HS6ST3: variants seen among roughly 807,000 people sequenced by gnomAD.
The protein encoded by HS6ST3 is heparan-sulfate 6-O-sulfotransferase 3.
HS6ST3 carries 12 observed loss-of-function variants against 36.7 expected under a neutral mutation model. The observed-to-expected ratio is 0.33, with a 90% CI of 0.21 to 0.53. The LOEUF (loss-of-function observed/expected upper bound fraction) is 0.53. HS6ST3 is among the 20% of genes least tolerant of loss of function. The pLI is 0.95. For synonymous variants in HS6ST3, 240 were observed against 257.5 expected (o/e 0.93, Z 0.65); for missense variants, 584 against 640.9 (o/e 0.91, Z 0.96).
At position 96,837,853 on chromosome 13, in the gene HS6ST3, AAAAG is replaced by A. The variant is rs995053280; in HGVS notation, c.*4663_*4666del. The A allele has an allele frequency of 9.2e-5, 14 of 152,096 alleles. No homozygotes were observed. Among genetic ancestry groups the A allele is most frequent in the African/African-American group, 3.4e-4 (14 of 41,392 alleles). The allele number at this position is 152,096 out of a possible 1,614,324, so 9.4% of individuals were successfully genotyped here. ...CCCGCCCCCACCAACCAAAAAAAAA[AAAAG>A]AAAGAAAACTCTCCCTTTTTAATGT... On this transcript the variant is annotated 3_prime_UTR_variant, in exon 2 of 2. Transcript: ENST00000376705.
At chr13:96,146,027 A>T (rs2054056414) in intron 1 of HS6ST3, among the ~76,000 whole-genome samples, 1 of 152,154 alleles carries the variant, frequency 6.6e-6, no homozygotes, top group African/African-American at 2.4e-5. Flanking sequence ...CTGTTTTGGT[A>T]CCAGTACCAT....
intron 1 of HS6ST3, among the ~76,000 whole-genome samples, chr13:96,209,379 G>C (rs1429203288): frequency 6.6e-6 from 1 of 152,166 alleles, no homozygotes; most frequent in Non-Finnish European, 1.5e-5. Flanking sequence ...GGGTACCACA[G>C]TGTAACAGAT....
At chr13:96,174,051 C>T (rs116970907) in intron 1 of HS6ST3, among the ~76,000 whole-genome samples, 2,643 of 152,186 alleles carry the variant, frequency 0.017, 36 homozygotes, top group East Asian at 0.055. Context: ...GAACAGTTGT[C>T]AGTTCCTTGG....
chr13:96,233,166 C>CA (rs1244120342), intron 1 of HS6ST3, among the ~76,000 whole-genome samples: 1 of 151,882 alleles, frequency 6.6e-6, no homozygotes, highest in African/African-American at 2.4e-5. Flanking sequence ...AATTGGAAAA[C>CA]AAAAAAATTA....
At chr13:96,328,196 G>A (rs1441666317) in intron 1 of HS6ST3, among the ~76,000 whole-genome samples, 4 of 143,498 alleles carry the variant, frequency 2.8e-5, no homozygotes, top group Non-Finnish European at 6.1e-5. Context: ...TAATTGCCCT[G>A]GCCAGAACTT....
intron 1 of HS6ST3, among the ~76,000 whole-genome samples, chr13:96,640,725 C>A (rs559096493): frequency 2.0e-5 from 3 of 151,912 alleles, no homozygotes; most frequent in Admixed American, 1.3e-4. Context: ...TTTTGAGTAA[C>A]CTTCTGTATA....
chr13:96,379,531 C>T (rs1325608316), intron 1 of HS6ST3, among the ~76,000 whole-genome samples: 3 of 152,190 alleles, frequency 2.0e-5, no homozygotes, highest in Admixed American at 2.0e-4. Context: ...TGTTTATAAA[C>T]TACCCAATCT....
intron 1 of HS6ST3, among the ~76,000 whole-genome samples, chr13:96,507,306 G>A (rs2056030400): frequency 6.6e-6 from 1 of 152,082 alleles, no homozygotes; most frequent in African/African-American, 2.4e-5. Context: ...AAAACAGAGT[G>A]TTTGGCTGTC....
intron 1 of HS6ST3, among the ~76,000 whole-genome samples, chr13:96,558,131 C>T (rs2056248264): frequency 6.6e-6 from 1 of 152,012 alleles, no homozygotes; most frequent in South Asian, 2.1e-4. Flanking sequence ...CTATCTTCTC[C>T]TCAATGCTCG....
At chr13:96,406,549 A>T (rs2055479480) in intron 1 of HS6ST3, among the ~76,000 whole-genome samples, 1 of 152,224 alleles carries the variant, frequency 6.6e-6, no homozygotes, top group Non-Finnish European at 1.5e-5. Context: ...ACAACCAGGG[A>T]GCTGTTCAGC....
intron 1 of HS6ST3, among the ~76,000 whole-genome samples, chr13:96,699,787 T>C (rs2138451656): frequency 6.6e-6 from 1 of 152,342 alleles, no homozygotes; most frequent in East Asian, 1.9e-4. Flanking sequence ...TAAAGACACA[T>C]GCACACATAT....
chr13:96,096,892 G>T (rs1017116111), intron 1 of HS6ST3, among the ~76,000 whole-genome samples: 1 of 152,032 alleles, frequency 6.6e-6, no homozygotes, highest in Admixed American at 6.6e-5. Context: ...TAGAATTGTT[G>T]AACTACCAAG....
chr13:96,248,275 C>T lies in HS6ST3; in HGVS notation c.707+156706C>T, dbSNP rs897318400. On this transcript the variant is annotated intron_variant, in intron 1 of 1. Transcript: ENST00000376705. ...TGACTGGGCTGCAGCCTTAAGCCCT[C>T]GGCTCAGGTTGTTTTAAAGTGTTTG... Among the ~76,000 whole-genome samples the T allele has an allele frequency of 5.9e-5, 9 of 152,228 alleles. 1 individual carries two copies. In the Middle Eastern group the frequency reaches 0.014, roughly 230 times the overall value.
chr13:96,727,408 T>A, intron 1 of HS6ST3, among the ~76,000 whole-genome samples: 1 of 152,018 alleles, frequency 6.6e-6, no homozygotes, highest in East Asian at 1.9e-4. Context: ...ATCATTATCA[T>A]TAACATTTCA....
At chr13:96,288,816 C>A (rs1039690751) in intron 1 of HS6ST3, among the ~76,000 whole-genome samples, 9 of 151,846 alleles carry the variant, frequency 5.9e-5, no homozygotes, top group Non-Finnish European at 2.9e-5. Flanking sequence ...GTAAATGCAA[C>A]AAATCAGGAA....
chr13:96,220,183 A>G (rs979060462), intron 1 of HS6ST3, among the ~76,000 whole-genome samples: 8 of 152,192 alleles, frequency 5.3e-5, no homozygotes, highest in African/African-American at 1.9e-4. Context: ...GGAGAGTGGT[A>G]GGATTTGGCA....
At position 96,318,107 on chromosome 13, in the gene HS6ST3, G is replaced by A. The variant is rs191104991; in HGVS notation, c.707+226538G>A. Among the ~76,000 whole-genome samples, 219 of 152,206 alleles carry A rather than the reference G, an allele frequency of 1.4e-3. 2 individuals carry two copies. The highest frequency in any genetic ancestry group is 2.0e-3 in the Non-Finnish European group (134 of 68,028). On this transcript the variant is annotated intron_variant, in intron 1 of 1. Coordinates refer to ENST00000376705, the MANE Select transcript of HS6ST3 (RefSeq NM_153456.4). Reference sequence around the variant, plus strand: ...TATTACAATTGCTTTTGGGGACTTGGCCAAAAATTATTTTCCAAGGCTGAT... The same window carrying A: ...TATTACAATTGCTTTTGGGGACTTGACCAAAAATTATTTTCCAAGGCTGAT...
At chr13:96,478,404 G>A (rs2055874309) in intron 1 of HS6ST3, among the ~76,000 whole-genome samples, 1 of 152,176 alleles carries the variant, frequency 6.6e-6, no homozygotes, top group South Asian at 2.1e-4. Context: ...AAATGTCAGA[G>A]TAGGTTAAAA....
At chr13:96,518,018 C>A (rs1352486433) in intron 1 of HS6ST3, among the ~76,000 whole-genome samples, 1 of 152,208 alleles carries the variant, frequency 6.6e-6, no homozygotes, top group Non-Finnish European at 1.5e-5. Flanking sequence ...CCATGGAATA[C>A]TGTGGAGACA....
Sources: gnomAD v4.1 joint callset for allele counts (sites outside exome capture counted in the v4.1 genomes callset) on GRCh38, gnomAD v4.1.1 for gene constraint, MANE v1.5 for transcripts, NCBI Gene and HGNC (gene_info 2026-07-23, HGNC 2026-07-21) for gene names.